MARCHF1: variants seen among roughly 807,000 people sequenced by gnomAD.
MARCHF1 encodes E3 ubiquitin-protein ligase MARCHF1.
A neutral mutation model predicts 54.2 loss-of-function variants in MARCHF1; 40 were observed. That is an observed-to-expected ratio of 0.74 (90% CI 0.57 to 0.96). The LOEUF (loss-of-function observed/expected upper bound fraction) is 0.96. Ranked by LOEUF, MARCHF1 falls within the 40% of genes least tolerant of loss-of-function variation. The probability of loss-of-function intolerance (pLI) is 0.00; values close to 1 mark genes in which losing one functional copy is unlikely to be tolerated. For synonymous variants in MARCHF1, 236 were observed against 236.3 expected, an observed-to-expected ratio of 1.00 and a Z score of 0.01; for missense variants, 586 against 656.5, an observed-to-expected ratio of 0.89 and a Z score of 1.17.
intron 3 of MARCHF1, among the ~76,000 whole-genome samples, chr4:163,873,163 A>G (rs1042930499): frequency 3.3e-5 from 5 of 152,246 alleles, no homozygotes; most frequent in African/African-American, 7.2e-5. Flanking sequence ...TCTTCAGCTA[A>G]TGAACAATCT....
At chr4:163,866,990 T>C (rs955404736) in intron 3 of MARCHF1, among the ~76,000 whole-genome samples, 1 of 151,888 alleles carries the variant, frequency 6.6e-6, no homozygotes, top group Non-Finnish European at 1.5e-5. Flanking sequence ...TATATTTTTA[T>C]TGGTGTCTTA....
intron 4 of MARCHF1, among the ~76,000 whole-genome samples, chr4:163,752,528 G>C (rs1316599646): frequency 6.6e-6 from 1 of 152,202 alleles, no homozygotes; most frequent in African/African-American, 2.4e-5. Flanking sequence ...TAAAAATTGT[G>C]ATAAGTGCTA....
At chr4:164,369,520 A>T (rs1308851958) in intron 1 of MARCHF1, among the ~76,000 whole-genome samples, 2 of 152,138 alleles carry the variant, frequency 1.3e-5, no homozygotes, top group African/African-American at 4.8e-5. Context: ...TGCCAACTGC[A>T]TGCTGTATTG....
At position 163,975,186 on chromosome 4, in the gene MARCHF1, T is replaced by TCA. The variant is rs1472424520; in HGVS notation, c.-39+13314_-39+13315insTG. ...AAAGCTCTCTCTCTCTCTCTCTCTC[T>TCA]CTCTCTCTCTCACACACACACACAC... On this transcript the variant is annotated intron_variant, in intron 3 of 9. Coordinates refer to ENST00000514618, the MANE Select transcript of MARCHF1 (RefSeq NM_001394959.1). Among the ~76,000 whole-genome samples the TCA allele has an allele frequency of 5.3e-3, 722 of 135,198 alleles. 7 individuals carry two copies. Among genetic ancestry groups the TCA allele is most frequent in the East Asian group, 0.019 (72 of 3,752 alleles). 88.7% of individuals were successfully genotyped at this position (135,198 alleles called of 152,430 possible).
intron 1 of MARCHF1, among the ~76,000 whole-genome samples, chr4:164,279,356 T>A (rs1297371073): frequency 6.6e-6 from 1 of 151,432 alleles, no homozygotes; most frequent in Non-Finnish European, 1.5e-5. Context: ...TAAGAGTTCT[T>A]TTGAAATAAT....
chr4:164,244,340 C>T (rs1386298247), intron 1 of MARCHF1, among the ~76,000 whole-genome samples: 35 of 152,086 alleles, frequency 2.3e-4, no homozygotes, highest in African/African-American at 2.9e-4. Flanking sequence ...AACTGAACAA[C>T]CTGCTCCTGA....
intron 5 of MARCHF1, among the ~76,000 whole-genome samples, chr4:163,645,718 C>T (rs1291743402): frequency 1.3e-5 from 2 of 152,126 alleles, no homozygotes; most frequent in Non-Finnish European, 2.9e-5. Context: ...AGAGCTTCAG[C>T]AGCAGACTCA....
At chr4:164,089,653 C>T (rs971126322) in intron 2 of MARCHF1, among the ~76,000 whole-genome samples, 1 of 141,636 alleles carries the variant, frequency 7.1e-6, no homozygotes, top group Non-Finnish European at 1.5e-5. Context: ...ATTTCATTTA[C>T]AAATATGGTT....
chr4:163,619,030 G>C (rs2110951485), intron 5 of MARCHF1, among the ~76,000 whole-genome samples: 1 of 152,286 alleles, frequency 6.6e-6, no homozygotes, highest in East Asian at 1.9e-4. Flanking sequence ...ACACAGAGTA[G>C]AGAGAAGACG....
At chr4:163,985,375 T>C (rs1192190227) in intron 3 of MARCHF1, among the ~76,000 whole-genome samples, 1 of 152,130 alleles carries the variant, frequency 6.6e-6, no homozygotes, top group African/African-American at 2.4e-5. Context: ...AATATATTAT[T>C]TTGTGTTTTG....
chr4:163,936,092 G>C (rs1287217049), intron 3 of MARCHF1, among the ~76,000 whole-genome samples: 1 of 152,126 alleles, frequency 6.6e-6, no homozygotes, highest in Non-Finnish European at 1.5e-5. Context: ...CGAGGACAGG[G>C]AGAGAGACAG....
chr4:163,647,229 T>C (rs1344415107), intron 5 of MARCHF1, among the ~76,000 whole-genome samples: 1 of 152,068 alleles, frequency 6.6e-6, no homozygotes, highest in Non-Finnish European at 1.5e-5. Flanking sequence ...AAATGTATAA[T>C]ATATGCACAG....
chr4:163,970,942 C>T (rs1232443854), intron 3 of MARCHF1, among the ~76,000 whole-genome samples: 1 of 152,152 alleles, frequency 6.6e-6, no homozygotes, highest in African/African-American at 2.4e-5. Context: ...TCTTAAAATG[C>T]AACAATTGGA....
intron 2 of MARCHF1, among the ~76,000 whole-genome samples, chr4:164,071,019 G>T (rs189430232): frequency 3.4e-4 from 51 of 152,006 alleles, no homozygotes; most frequent in African/African-American, 1.1e-3. Context: ...AGAGCCTTTC[G>T]CCTCCCACCA....
intron 2 of MARCHF1, among the ~76,000 whole-genome samples, chr4:164,073,252 C>T (rs1454835454): frequency 6.6e-6 from 1 of 152,100 alleles, no homozygotes; most frequent in Non-Finnish European, 1.5e-5. Flanking sequence ...ACCCAAAATC[C>T]CCATCAGTGA....
At chr4:164,334,839 A>G (rs1425668937) in intron 1 of MARCHF1, among the ~76,000 whole-genome samples, 2 of 152,224 alleles carry the variant, frequency 1.3e-5, no homozygotes, top group Non-Finnish European at 2.9e-5. Context: ...GAGGAGGTCA[A>G]AATATCAACA....
At chr4:164,062,203 CAT>C (rs909283987) in intron 2 of MARCHF1, among the ~76,000 whole-genome samples, 2 of 152,146 alleles carry the variant, frequency 1.3e-5, no homozygotes, top group African/African-American at 4.8e-5. Context: ...TAAATTTTAT[CAT>C]GAGATTGCAG....
intron 2 of MARCHF1, among the ~76,000 whole-genome samples, chr4:164,078,725 C>T (rs1755030264): frequency 3.9e-5 from 6 of 152,054 alleles, no homozygotes; most frequent in Admixed American, 3.9e-4. Flanking sequence ...TTAGACATGA[C>T]TATTTTATCT....
chr4:164,055,925 T>C (rs1560883014), intron 2 of MARCHF1, among the ~76,000 whole-genome samples: 2 of 152,210 alleles, frequency 1.3e-5, no homozygotes, highest in Non-Finnish European at 2.9e-5. Flanking sequence ...GTTTTAGTGA[T>C]GCTGCTCATC....
Sources: gnomAD v4.1 joint callset for allele counts (sites outside exome capture counted in the v4.1 genomes callset) on GRCh38, gnomAD v4.1.1 for gene constraint, MANE v1.5 for transcripts, NCBI Gene and HGNC (gene_info 2026-07-23, HGNC 2026-07-21) for gene names.